MLLT3: variants seen among roughly 807,000 people sequenced by gnomAD.
The protein encoded by MLLT3 is MLLT3 super elongation complex subunit.
Under a neutral mutation model 53.2 loss-of-function variants are expected in MLLT3, and 4 were observed. The ratio of observed to expected loss-of-function variants is 0.08; its 90% CI spans 0.04 to 0.17. MLLT3 has a LOEUF of 0.17. Ranked by LOEUF, MLLT3 falls within the 10% of genes least tolerant of loss-of-function variation. MLLT3 has a pLI of 1.00. For synonymous variants in MLLT3, 283 were observed against 230.6 expected (o/e 1.23, Z -2.06); for missense variants, 569 against 684.0 (o/e 0.83, Z 1.87).
chr9:20,372,548 C>A lies in MLLT3; in HGVS notation c.1126-6804G>T, dbSNP rs551393756. On this transcript the variant is annotated intron_variant, in intron 5 of 10. Transcript: ENST00000380338. The stretch of plus-strand genomic sequence containing the variant: ...GACTACAGGCACCCGCCACCACGCC[C>A]GGCTAATTTTTTTTTTTTTTTTTTT... Among the ~76,000 whole-genome samples the A allele has an allele frequency of 2.3e-4, 34 of 146,070 alleles. No individual in the cohort carries two copies. The East Asian group carries it at 6.9e-3, about 30-fold the overall frequency.
chr9:20,550,403 G>C (rs1163892592), intron 2 of MLLT3, among the ~76,000 whole-genome samples: 1 of 151,948 alleles, frequency 6.6e-6, no homozygotes, highest in Non-Finnish European at 1.5e-5. Flanking sequence ...TTTCTTCCTT[G>C]GTGCCATTCG....
At chr9:20,585,624 CATT>C (rs1446856031) in intron 2 of MLLT3, among the ~76,000 whole-genome samples, 5 of 152,196 alleles carry the variant, frequency 3.3e-5, no homozygotes, top group African/African-American at 1.2e-4. Context: ...GTAGTGGTAT[CATT>C]GTTTTTGTTA....
chr9:20,559,792 C>T (rs1050056590), intron 2 of MLLT3, among the ~76,000 whole-genome samples: 1 of 152,116 alleles, frequency 6.6e-6, no homozygotes, highest in Admixed American at 6.6e-5. Context: ...AATAGTCACT[C>T]CTGAATGTTC....
intron 2 of MLLT3, among the ~76,000 whole-genome samples, chr9:20,528,114 T>G (rs1008862975): frequency 6.6e-6 from 1 of 152,216 alleles, no homozygotes; most frequent in Non-Finnish European, 1.5e-5. Flanking sequence ...TTCTGCCTCA[T>G]CATTAAACAC....
At chr9:20,377,527 T>C (rs78465145) in intron 5 of MLLT3, among the ~76,000 whole-genome samples, 1 of 152,152 alleles carries the variant, frequency 6.6e-6, no homozygotes, top group Non-Finnish European at 1.5e-5. Context: ...AAAAGATATA[T>C]ATCTGAAGAG....
intron 10 of MLLT3, among the ~76,000 whole-genome samples, chr9:20,352,344 C>G (rs545309972): frequency 6.6e-6 from 1 of 152,176 alleles, no homozygotes; most frequent in Non-Finnish European, 1.5e-5. Flanking sequence ...CGAGAAAGAT[C>G]ATGCAATAGA....
chr9:20,622,169 T>C (rs1425985125), intron 1 of MLLT3, 76 bp downstream of exon 1: 6 of 1,447,280 alleles, frequency 4.1e-6, no homozygotes, highest in African/African-American at 1.4e-5. Context: ...GCGCTGGCGC[T>C]GTCTGGGCTG....
intron 2 of MLLT3, among the ~76,000 whole-genome samples, chr9:20,587,723 T>A: frequency 6.6e-6 from 1 of 152,092 alleles, no homozygotes; most frequent in Non-Finnish European, 1.5e-5. Context: ...TTGAGTTCAT[T>A]GTAGATTCTG....
intron 4 of MLLT3, among the ~76,000 whole-genome samples, chr9:20,428,369 A>C (rs1823186953): frequency 6.6e-6 from 1 of 152,084 alleles, no homozygotes; most frequent in East Asian, 1.9e-4. Context: ...TTAAGAAGAC[A>C]TTATGGTAAT....
chr9:20,521,614 T>C (rs1168899724), intron 2 of MLLT3, among the ~76,000 whole-genome samples: 1 of 138,034 alleles, frequency 7.2e-6, no homozygotes, highest in Non-Finnish European at 1.5e-5. Flanking sequence ...ACAGTAACTA[T>C]CATAAAAGCA....
chr9:20,451,685 T>C (rs532241724), intron 3 of MLLT3, among the ~76,000 whole-genome samples: 255 of 152,338 alleles, frequency 1.7e-3, no homozygotes, highest in African/African-American at 5.8e-3. Flanking sequence ...GCTTGCTCTC[T>C]ATATATAAAT....
At chr9:20,347,560 T>C (rs1820907910) in intron 10 of MLLT3, among the ~76,000 whole-genome samples, 2 of 152,238 alleles carry the variant, frequency 1.3e-5, no homozygotes, top group South Asian at 2.1e-4. Flanking sequence ...AAGGTGATGA[T>C]TGGTTTGAGA....
intron 2 of MLLT3, among the ~76,000 whole-genome samples, chr9:20,486,858 T>C (rs912109174): frequency 5.3e-4 from 81 of 152,266 alleles, no homozygotes; most frequent in African/African-American, 1.9e-3. Flanking sequence ...GCAAGGGACA[T>C]AAATTTTATT....
At chr9:20,392,662 C>A (rs79258596) in intron 5 of MLLT3, among the ~76,000 whole-genome samples, 1 of 152,124 alleles carries the variant, frequency 6.6e-6, no homozygotes, top group African/African-American at 2.4e-5. Flanking sequence ...CATTATCCCT[C>A]CCAGCTTTGG....
intron 2 of MLLT3, among the ~76,000 whole-genome samples, chr9:20,595,499 G>C (rs1820239610): frequency 6.6e-6 from 1 of 152,014 alleles, no homozygotes; most frequent in African/African-American, 2.4e-5. Flanking sequence ...GGAAACATTT[G>C]TCACAATATA....
chr9:20,396,021 A>G (rs779172905), intron 5 of MLLT3, among the ~76,000 whole-genome samples: 4 of 152,188 alleles, frequency 2.6e-5, no homozygotes, highest in African/African-American at 4.8e-5. Context: ...TCCCAGTTCT[A>G]TTCAGTAGAC....
chr9:20,486,852 G>A (rs1370022858), intron 2 of MLLT3, among the ~76,000 whole-genome samples: 1 of 152,026 alleles, frequency 6.6e-6, no homozygotes, highest in African/African-American at 2.4e-5. Flanking sequence ...CCAAAAGCAA[G>A]GGACATAAAT....
At chr9:20,507,742 G>GGA (rs746866170) in intron 2 of MLLT3, among the ~76,000 whole-genome samples, 1 of 84,542 alleles carries the variant, frequency 1.2e-5, no homozygotes, top group African/African-American at 3.9e-5. Flanking sequence ...TCCCAAAATG[G>GGA]AAAAAAAAAA....
At chr9:20,433,536 G>T (rs1359651977) in intron 4 of MLLT3, among the ~76,000 whole-genome samples, 1 of 152,090 alleles carries the variant, frequency 6.6e-6, no homozygotes, top group Non-Finnish European at 1.5e-5. Flanking sequence ...CAAGTAATGG[G>T]TGTTAACATC....
Sources: allele counts gnomAD v4.1 joint callset (sites outside exome capture counted in the v4.1 genomes callset), GRCh38; gene constraint gnomAD v4.1.1; transcripts MANE v1.5; gene names NCBI Gene and HGNC (gene_info 2026-07-23, HGNC 2026-07-21).